The following KCNH1 variants were observed in gnomAD, a reference collection of about 807,000 sequenced individuals.
The protein encoded by KCNH1 is voltage-gated delayed rectifier potassium channel KCNH1.
A neutral mutation model predicts 69.2 loss-of-function variants in KCNH1; 27 were observed. The observed-to-expected ratio is 0.39, with a 90% CI of 0.29 to 0.54. The LOEUF (loss-of-function observed/expected upper bound fraction) is 0.54, where lower values mean the gene tolerates loss of function less well. KCNH1 is among the 20% of genes least tolerant of loss of function. KCNH1 has a pLI of 0.68. For synonymous variants in KCNH1, 456 were observed against 487.7 expected, an observed-to-expected ratio of 0.93 and a Z score of 0.86; for missense variants, 798 against 1,261.6, an observed-to-expected ratio of 0.63 and a Z score of 5.57.
chr1:210,816,857 C>A (rs1055975576), intron 7 of KCNH1, among the ~76,000 whole-genome samples: 20 of 152,108 alleles, frequency 1.3e-4, no homozygotes, highest in African/African-American at 4.3e-4. Flanking sequence ...TCTTCTAAAT[C>A]TCAAAACAAA....
At chr1:211,043,392 T>G (rs569210573) in intron 5 of KCNH1, among the ~76,000 whole-genome samples, 1 of 152,090 alleles carries the variant, frequency 6.6e-6, no homozygotes, top group Admixed American at 6.5e-5. Context: ...ACAACCATCC[T>G]AGCCCAAATC....
rs1690529861 is a variant in KCNH1, at chr1:211,066,304, C to A, written c.558+16476G>T. ...ACTAATACTTGTTGAAGATTTATTG[C>A]AAATTGAGTATCCTTTTTCCAAAAT... On this transcript the variant is annotated intron_variant, in intron 5 of 10. Transcript: ENST00000271751. Among the ~76,000 whole-genome samples, 2 of 152,054 alleles carry A rather than the reference C, an allele frequency of 1.3e-5. 1 individual carries two copies. Among genetic ancestry groups the A allele is most frequent in the South Asian group, 4.1e-4 (2 of 4,828 alleles).
chr1:210,767,896 TTCC>T (rs1683670100), intron 10 of KCNH1, among the ~76,000 whole-genome samples: 1 of 152,180 alleles, frequency 6.6e-6, no homozygotes, highest in Non-Finnish European at 1.5e-5. Flanking sequence ...AGTTACAACT[TTCC>T]TCCTCCTTCC....
At chr1:210,858,079 T>TAAATTGTTTATATTGTTACAA (rs1685895066) in intron 7 of KCNH1, 1 of 152,210 alleles carries the variant, frequency 6.6e-6, no homozygotes, top group Non-Finnish European at 1.5e-5. Context: ...ACAATTGTTA[T>TAAATTGTTTATATTGTTACAA]AAATTGTTTA....
chr1:211,113,461 A>G (rs1285492458), intron 1 of KCNH1, among the ~76,000 whole-genome samples: 1 of 152,096 alleles, frequency 6.6e-6, no homozygotes, highest in Non-Finnish European at 1.5e-5. Context: ...TATCTTTTCA[A>G]TGTTTGGTCT....
Position 210,682,268 on chromosome 1 carries a change from T to C in KCNH1, c.*1013A>G, listed in dbSNP as rs1681287307. On this transcript the variant is annotated 3_prime_UTR_variant, in exon 11 of 11. Coordinates refer to ENST00000271751, the MANE Select transcript of KCNH1 (RefSeq NM_172362.3). ...CCGTGCGGTGAACAAAATACAAAGG[T>C]CTGCAGGGCAATCCCAATGAGAATC... The C allele has an allele frequency of 6.6e-6, 1 of 152,122 alleles. No individual in the cohort carries two copies. Among genetic ancestry groups the C allele is most frequent in the Admixed American group, 6.5e-5 (1 of 15,278 alleles). 9.4% of individuals were successfully genotyped at this position (152,122 alleles called of 1,614,324 possible).
intron 7 of KCNH1, among the ~76,000 whole-genome samples, chr1:210,805,958 C>G (rs1299679652): frequency 6.6e-6 from 1 of 152,180 alleles, no homozygotes; most frequent in African/African-American, 2.4e-5. Flanking sequence ...GTGGATATTC[C>G]ACATTTCATT....
intron 6 of KCNH1, among the ~76,000 whole-genome samples, chr1:210,934,153 A>C (rs1687731294): frequency 6.6e-6 from 1 of 152,216 alleles, no homozygotes; most frequent in African/African-American, 2.4e-5. Flanking sequence ...ACTCCTCAAA[A>C]GTACAGGTAG....
intron 10 of KCNH1, among the ~76,000 whole-genome samples, chr1:210,699,920 C>T (rs1681733143): frequency 6.6e-6 from 1 of 152,148 alleles, no homozygotes; most frequent in Non-Finnish European, 1.5e-5. Context: ...GTTATTTTGC[C>T]TTCCTCCTGA....
At chr1:211,024,490 C>T (rs1689648853) in intron 5 of KCNH1, among the ~76,000 whole-genome samples, 1 of 152,138 alleles carries the variant, frequency 6.6e-6, no homozygotes, top group South Asian at 2.1e-4. Context: ...GCTAGATGAG[C>T]TCTGAAAGGA....
chr1:210,978,877 T>A (rs1688661958), intron 6 of KCNH1, among the ~76,000 whole-genome samples: 1 of 152,194 alleles, frequency 6.6e-6, no homozygotes, highest in Non-Finnish European at 1.5e-5. Flanking sequence ...CTGTTTTACG[T>A]CTGCCTAGAC....
At chr1:210,807,058 T>C (rs902038708) in intron 7 of KCNH1, among the ~76,000 whole-genome samples, 1 of 150,312 alleles carries the variant, frequency 6.7e-6, no homozygotes, top group Non-Finnish European at 1.5e-5. Context: ...AGAAAAATTC[T>C]GTGTACCCTT....
chr1:210,815,227 T>A (rs1574273231), intron 7 of KCNH1, among the ~76,000 whole-genome samples: 1 of 152,226 alleles, frequency 6.6e-6, no homozygotes, highest in African/African-American at 2.4e-5. Flanking sequence ...TGGTTTATGC[T>A]ATACCAATAA....
chr1:211,024,030 G>A (rs913824692), intron 5 of KCNH1, among the ~76,000 whole-genome samples: 8 of 152,004 alleles, frequency 5.3e-5, no homozygotes, highest in African/African-American at 1.4e-4. Flanking sequence ...CTGCATACAC[G>A]TATCAAAATA....
At chr1:210,758,521 G>A (rs1408332824) in intron 10 of KCNH1, among the ~76,000 whole-genome samples, 3 of 152,218 alleles carry the variant, frequency 2.0e-5, no homozygotes, top group Non-Finnish European at 4.4e-5. Context: ...TGAGGAGCAA[G>A]AGAGAGGTGG....
At chr1:210,977,891 A>T (rs1688643321) in intron 6 of KCNH1, among the ~76,000 whole-genome samples, 1 of 152,110 alleles carries the variant, frequency 6.6e-6, no homozygotes. Context: ...ATCACCTCAA[A>T]TATTTATCAT....
At chr1:210,779,727 G>A (rs1485009169) in intron 9 of KCNH1, among the ~76,000 whole-genome samples, 1 of 151,238 alleles carries the variant, frequency 6.6e-6, no homozygotes, top group Non-Finnish European at 1.5e-5. Context: ...TTCTGAGCTG[G>A]GAAAAAAAAA....
intron 7 of KCNH1, among the ~76,000 whole-genome samples, chr1:210,843,967 T>C (rs949940806): frequency 1.3e-5 from 2 of 152,198 alleles, no homozygotes; most frequent in African/African-American, 4.8e-5. Context: ...TATCAACTAA[T>C]AATTTTTTCC....
chr1:210,702,526 G>GC (rs1681807440), intron 10 of KCNH1, among the ~76,000 whole-genome samples: 1 of 151,902 alleles, frequency 6.6e-6, no homozygotes, highest in Non-Finnish European at 1.5e-5. Context: ...TGCTTCTTTT[G>GC]AATTTTTAAA....
Sources: allele counts gnomAD v4.1 joint callset (sites outside exome capture counted in the v4.1 genomes callset), GRCh38; gene constraint gnomAD v4.1.1; transcripts MANE v1.5; gene names NCBI Gene and HGNC (gene_info 2026-07-23, HGNC 2026-07-21).